The following NEDD4 variants were observed in gnomAD, a reference collection of about 807,000 sequenced individuals.
NEDD4 encodes the protein NEDD4 E3 ubiquitin protein ligase, also known as E3 ubiquitin-protein ligase NEDD4.
A neutral mutation model predicts 144.9 loss-of-function variants in NEDD4; 99 were observed. That is an observed-to-expected ratio of 0.68 (90% CI 0.58 to 0.81). NEDD4 has a LOEUF of 0.81. Among genes scored for constraint, NEDD4 ranks in the 30% least tolerant of loss-of-function variants. NEDD4 has a pLI of 0.00. For missense variants in NEDD4, 985 were observed against 1,065.9 expected (o/e 0.92, Z 1.06); for synonymous variants, 318 against 350.6 (o/e 0.91, Z 1.04).
Position 55,829,662 on chromosome 15 carries a change from AGGC to A in NEDD4, c.*232_*234del. On this transcript the variant is annotated 3_prime_UTR_variant, in exon 29 of 29. Transcript: ENST00000435532. ...GCCAGGTGTGGTGGTGCCTGGCTTTAGGCAGGCACCTAACTCTAAAGACAGCAT... is the reference window on the plus strand; with the variant it reads ...GCCAGGTGTGGTGGTGCCTGGCTTTAAGGCACCTAACTCTAAAGACAGCAT... 2.6e-6 allele frequency: 1 copy of A among 383,606 alleles called. No homozygotes were observed. The allele number at this position is 383,606 out of a possible 1,614,324, so 23.8% of individuals were successfully genotyped here.
Position 55,930,340 on chromosome 15 carries a change from T to C in NEDD4, c.238-5641A>G, listed in dbSNP as rs149542353. 7.9e-4 allele frequency among the ~76,000 whole-genome samples: 121 copies of C among 152,302 alleles called. 3 individuals carry two copies. In the East Asian group the frequency reaches 0.022, roughly 28 times the overall value. On this transcript the variant is annotated intron_variant, in intron 4 of 28. Transcript: ENST00000435532. ...TAGACAATCACTGTATGTTATCTAT[T>C]AATTTCTCTCATGTATCTAGAATGG... is the stretch of plus-strand genomic sequence containing the variant.
In NEDD4 at chr15:55,848,881, A is replaced by G; in HGVS notation, c.1353T>C (p.Asp451=). Residue 451 remains aspartate, a synonymous_variant, in exon 15 of 29, where the codon GAT becomes GAC. Transcript: ENST00000435532. ...GATGGGCTGGAATTTTCAATCTTGG[A>G]TCTTCCTTTTTTGGTAGAGTAAATA... ...DHNTKTTTWE[D]PRLKIPAHLR... is the part of the protein sequence containing the mutation. 6.2e-7 allele frequency: 1 copy of G among 1,613,280 alleles called. No homozygotes were observed.
intron 28 of NEDD4, among the ~76,000 whole-genome samples, chr15:55,830,243 C>G (rs1566893464): frequency 6.6e-6 from 1 of 152,224 alleles, no homozygotes; most frequent in Non-Finnish European, 1.5e-5. Flanking sequence ...CTTCAGCCTC[C>G]AAGATGGAAT....
chr15:55,925,342 GTTTT>G (rs1417071818), intron 4 of NEDD4, among the ~76,000 whole-genome samples: 3 of 152,064 alleles, frequency 2.0e-5, no homozygotes, highest in African/African-American at 7.2e-5. Context: ...CTTATGATCA[GTTTT>G]ATTTACTTGC....
intron 27 of NEDD4, among the ~76,000 whole-genome samples, chr15:55,831,602 T>C (rs1052895143): frequency 6.6e-6 from 1 of 152,220 alleles, no homozygotes; most frequent in Non-Finnish European, 1.5e-5. Flanking sequence ...AATTGGTTAC[T>C]GGCAAAGCTA....
intron 4 of NEDD4, among the ~76,000 whole-genome samples, chr15:55,935,565 A>G (rs1476340881): frequency 6.6e-6 from 1 of 152,066 alleles, no homozygotes; most frequent in African/African-American, 2.4e-5. Flanking sequence ...TACTCAGCAA[A>G]GGCTGGGCGT....
rs747077580 is a variant in NEDD4 at position 55,850,736 on chromosome 15, C to A, written c.1153G>T (p.Val385Leu). The change falls in exon 14 of 29, where the codon GTG becomes TTG. Residue 385 changes from valine (V) to leucine (L), a missense_variant. Transcript: ENST00000435532. Reference sequence around the variant, plus strand: ...CTTGAGGTCAGCTGACTGGTCTCCACTGTGGCCTAGCACATTAATGAAATC... The same window carrying A: ...CTTGAGGTCAGCTGACTGGTCTCCAATGTGGCCTAGCACATTAATGAAATC... ...TWTKPTVQAT[V>L]ETSQLTSSQS... 2 of 1,613,040 alleles carry A rather than the reference C, an allele frequency of 1.2e-6. No individual in the cohort carries two copies. The highest frequency in any genetic ancestry group is 1.7e-6 in the Non-Finnish European group (2 of 1,179,926).
Position 55,840,506 on chromosome 15 carries a change from G to A in NEDD4, c.1972C>T (p.Arg658Cys), listed in dbSNP as rs2033454093. The A allele has an allele frequency of 1.9e-6, 3 of 1,613,802 alleles. No homozygotes were observed. The highest frequency in any genetic ancestry group is 1.1e-5 in the South Asian group (1 of 91,032). Residue 658 changes from arginine to cysteine, a missense_variant, in exon 21 of 29, where the codon CGC (arginine) becomes TGC (cysteine). Arg to Cys is a radical substitution (Grantham distance 180). Transcript: ENST00000435532. ...HGKLLDGFFI[R>C]PFYKMMLHKP... ...TGAAGCATCATCTTGTAAAATGGGC[G>A]GATGAAAAAACCTTGCAAAAAACCA...
At chr15:55,882,883 G>A (rs2035245214) in intron 5 of NEDD4, among the ~76,000 whole-genome samples, 1 of 152,204 alleles carries the variant, frequency 6.6e-6, no homozygotes, top group Admixed American at 6.5e-5. Context: ...TGAATAATCA[G>A]CAGCAGTAAC....
chr15:55,869,501 T>C (rs1566922109), intron 8 of NEDD4, 78 bp downstream of exon 8: 9 of 774,586 alleles, frequency 1.2e-5, no homozygotes, highest in African/African-American at 1.8e-5. Context: ...CTTCATTCAA[T>C]AGTTATTGTT....
intron 5 of NEDD4, among the ~76,000 whole-genome samples, chr15:55,886,757 CAA>C (rs35360356): frequency 0.03 from 3,421 of 115,276 alleles, 115 homozygotes; most frequent in African/African-American, 0.095. Flanking sequence ...GACTCCGTCT[CAA>C]AAAAAAAAAA....
chr15:55,935,514 CAA>C (rs1328541403), intron 4 of NEDD4, among the ~76,000 whole-genome samples: 1 of 151,986 alleles, frequency 6.6e-6, no homozygotes, highest in Admixed American at 6.6e-5. Flanking sequence ...GAAAAAGATC[CAA>C]AGTCTTCTGG....
At chr15:55,872,816 T>A (rs1198465314) in intron 6 of NEDD4, among the ~76,000 whole-genome samples, 1 of 151,926 alleles carries the variant, frequency 6.6e-6, no homozygotes, top group Admixed American at 6.6e-5. Flanking sequence ...CTGGCTTGGT[T>A]AGAGCATAGA....
intron 5 of NEDD4, among the ~76,000 whole-genome samples, chr15:55,887,826 A>C (rs1475882280): frequency 1.3e-5 from 2 of 152,238 alleles, no homozygotes; most frequent in African/African-American, 2.4e-5. Context: ...GGATGGTTCA[A>C]GATATGCAAA....
At chr15:55,841,240 G>C (rs1290366799) in intron 19 of NEDD4, among the ~76,000 whole-genome samples, 1 of 152,088 alleles carries the variant, frequency 6.6e-6, no homozygotes, top group Non-Finnish European at 1.5e-5. Flanking sequence ...CCTAAACAAA[G>C]CATTATATGC....
At chr15:55,859,468 TG>T (rs2034318318) in intron 11 of NEDD4, among the ~76,000 whole-genome samples, 1 of 152,108 alleles carries the variant, frequency 6.6e-6, no homozygotes, top group African/African-American at 2.4e-5. Context: ...CTGAGGCAGG[TG>T]GATCACTTGA....
intron 5 of NEDD4, among the ~76,000 whole-genome samples, chr15:55,902,520 G>A (rs2035943686): frequency 6.6e-6 from 1 of 152,114 alleles, no homozygotes; most frequent in East Asian, 1.9e-4. Flanking sequence ...GAAGCGAGGA[G>A]GAGATGGATG....
chr15:55,903,509 T>TA (rs1467428607), intron 5 of NEDD4, among the ~76,000 whole-genome samples: 7 of 152,056 alleles, frequency 4.6e-5, no homozygotes, highest in South Asian at 2.1e-4. Context: ...CTTTTACAAA[T>TA]ATAAGGCTAA....
intron 19 of NEDD4, 71 bp downstream of exon 19, chr15:55,841,863 A>ATG: frequency 7.5e-7 from 1 of 1,330,126 alleles, no homozygotes. Flanking sequence ...GAGCCACTGC[A>ATG]CCCGGCCGAC....
Sources: allele counts gnomAD v4.1 joint callset (sites outside exome capture counted in the v4.1 genomes callset), GRCh38; gene constraint gnomAD v4.1.1; transcripts MANE v1.5; gene names NCBI Gene and HGNC (gene_info 2026-07-23, HGNC 2026-07-21).